The following RALGAPA1 variants were observed in gnomAD, a reference collection of about 807,000 sequenced individuals.
RALGAPA1 encodes the protein ral GTPase-activating protein subunit alpha-1.
In RALGAPA1, 52 loss-of-function variants were observed where a neutral mutation model predicts 269.6. The ratio of observed to expected loss-of-function variants is 0.19; its 90% CI spans 0.15 to 0.24. RALGAPA1 has a LOEUF of 0.24. Ranked by LOEUF, RALGAPA1 falls within the 10% of genes least tolerant of loss-of-function variation. RALGAPA1 has a pLI of 1.00. For missense variants in RALGAPA1, 1,917 were observed against 3,013.9 expected, an observed-to-expected ratio of 0.64 and a Z score of 8.52; for synonymous variants, 817 against 1,008.3, an observed-to-expected ratio of 0.81 and a Z score of 3.60.
At chr14:35,592,006 T>G (rs1358592647) in intron 37 of RALGAPA1, among the ~76,000 whole-genome samples, 1 of 152,214 alleles carries the variant, frequency 6.6e-6, no homozygotes, top group East Asian at 1.9e-4. Flanking sequence ...GATTGTAAGT[T>G]TCCTGAGGCC....
Position 35,650,089 on chromosome 14 carries a change from A to G in RALGAPA1, c.5676+1716T>C, listed in dbSNP as rs1187231617. ...GCGAAGGATTCTTGGCTAAAAATGGAGGCCGGATGAGGTAGCTCACGCCTG... is the reference window on the plus strand; with the variant it reads ...GCGAAGGATTCTTGGCTAAAAATGGGGGCCGGATGAGGTAGCTCACGCCTG... On this transcript the variant is annotated intron_variant, in intron 31 of 41. Coordinates refer to ENST00000680220, the MANE Select transcript of RALGAPA1 (RefSeq NM_001346249.2). Among the ~76,000 whole-genome samples the G allele has an allele frequency of 3.3e-5, 5 of 152,204 alleles. No homozygotes were observed. In the East Asian group the frequency reaches 7.7e-4, roughly 23 times the overall value.
chr14:35,652,383 T>TATATATATATATATATATATATATAC (rs968163110), intron 30 of RALGAPA1, among the ~76,000 whole-genome samples: 5 of 148,692 alleles, frequency 3.4e-5, no homozygotes, highest in African/African-American at 1.3e-4. Flanking sequence ...TATATATATA[T>TATATATATATATATATATATATATAC]ACACACACAC....
chr14:35,691,955 G>A (rs1177116716), intron 17 of RALGAPA1, among the ~76,000 whole-genome samples: 5 of 152,140 alleles, frequency 3.3e-5, no homozygotes, highest in South Asian at 4.2e-4. Flanking sequence ...AGTGAAAAGC[G>A]AAACATTTCC....
chr14:35,717,425 C>T (rs1219204439), intron 16 of RALGAPA1, among the ~76,000 whole-genome samples: 1 of 151,484 alleles, frequency 6.6e-6, no homozygotes, highest in African/African-American at 2.4e-5. Flanking sequence ...TCTGGGATTA[C>T]AGGCGTGAGC....
intron 4 of RALGAPA1, among the ~76,000 whole-genome samples, chr14:35,763,607 T>C (rs1481680518): frequency 2.6e-5 from 4 of 152,142 alleles, no homozygotes; most frequent in Non-Finnish European, 4.4e-5. Context: ...CTCTAGTTAA[T>C]ACATTTTAAG....
chr14:35,586,070 C>T (rs566645964), intron 37 of RALGAPA1, among the ~76,000 whole-genome samples: 25 of 152,290 alleles, frequency 1.6e-4, no homozygotes, highest in Non-Finnish European at 2.9e-4. Context: ...AATACTGATT[C>T]TTCCTATCCA....
At chr14:35,561,468 A>G (rs997902131) in intron 39 of RALGAPA1, among the ~76,000 whole-genome samples, 1 of 151,296 alleles carries the variant, frequency 6.6e-6, no homozygotes, top group African/African-American at 2.4e-5. Flanking sequence ...GCACAGCAAA[A>G]AATTCTTTAA....
intron 14 of RALGAPA1, 146 bp from the exon 15 acceptor site, chr14:35,723,410 A>C: frequency 1.9e-6 from 1 of 527,642 alleles, no homozygotes; most frequent in African/African-American, 1.9e-5. Context: ...TACTTGTAAA[A>C]GCAATTCATG....
At chr14:35,600,232 C>CTTTTTTTTTTTTTTTT (rs71124708) in intron 36 of RALGAPA1, among the ~76,000 whole-genome samples, 5 of 86,946 alleles carry the variant, frequency 5.8e-5, no homozygotes, top group African/African-American at 8.7e-5. Context: ...TTCTTTTTTT[C>CTTTTTTTTTTTTTTTT]TTTTTTTTTT....
chr14:35,732,087 C>T (rs2070531097), intron 12 of RALGAPA1, among the ~76,000 whole-genome samples: 1 of 152,154 alleles, frequency 6.6e-6, no homozygotes, highest in South Asian at 2.1e-4. Flanking sequence ...TCCTCAGCCT[C>T]CTCAAACAAA....
At chr14:35,635,179 G>GA (rs59468474) in intron 32 of RALGAPA1, among the ~76,000 whole-genome samples, 18 of 145,768 alleles carry the variant, frequency 1.2e-4, no homozygotes, top group Middle Eastern at 3.6e-3. Flanking sequence ...TTCAATAAAA[G>GA]AAAAAAAAAA....
rs372982130 is a variant in RALGAPA1, at chr14:35,674,499, C to T, written c.4818+17G>A. 35 of 1,586,512 alleles carry T rather than the reference C, an allele frequency of 2.2e-5. No homozygotes were observed. The highest frequency in any genetic ancestry group is 2.0e-4 in the East Asian group (9 of 44,422). The stretch of plus-strand genomic sequence containing the variant: ...TTTTATTTTCTTCTCCACTTATATC[C>T]GCTATTTCTTTTTTACCTTAGCTAG... On this transcript the variant is annotated intron_variant, in intron 23 of 41. Coordinates refer to ENST00000680220, the MANE Select transcript of RALGAPA1 (RefSeq NM_001346249.2).
At chr14:35,769,948 T>C (rs1432623928) in intron 4 of RALGAPA1, among the ~76,000 whole-genome samples, 11 of 152,178 alleles carry the variant, frequency 7.2e-5, no homozygotes, top group Non-Finnish European at 2.9e-5. Context: ...CTTCTAAACT[T>C]CTATAGCTAT....
At chr14:35,641,377 TAAAC>T (rs2062020309) in intron 31 of RALGAPA1, among the ~76,000 whole-genome samples, 1 of 152,226 alleles carries the variant, frequency 6.6e-6, no homozygotes, top group African/African-American at 2.4e-5. Context: ...TTAGAACTGA[TAAAC>T]AACGTCAAAT....
intron 22 of RALGAPA1, chr14:35,677,201 A>G (rs2065025524): frequency 6.6e-6 from 1 of 152,246 alleles, no homozygotes; most frequent in African/African-American, 2.4e-5. Context: ...GGGTTTCTTA[A>G]AAGAAGTTTA....
Position 35,686,542 on chromosome 14 carries a change from C to T in RALGAPA1, c.4077G>A (p.Ser1359=), listed in dbSNP as rs116939827. 39 of 1,595,398 alleles carry T rather than the reference C, an allele frequency of 2.4e-5. No individual in the cohort carries two copies. Among genetic ancestry groups the T allele is most frequent in the African/African-American group, 9.4e-5 (7 of 74,212 alleles). The part of the protein sequence containing the change: ...IAERLRSGNA[S]TMTRRGSSPG... Reference sequence around the variant, plus strand: ...ACCAAATATATAAAATAAAACTTACCGAGGCATTACCACTTCGAAGTCGTT... The same window carrying T: ...ACCAAATATATAAAATAAAACTTACTGAGGCATTACCACTTCGAAGTCGTT... Residue 1359 remains serine (S), a splice_region_variant and synonymous_variant, in exon 19 of 42, where the codon TCG becomes TCA. Transcript: ENST00000680220.
intron 37 of RALGAPA1, among the ~76,000 whole-genome samples, chr14:35,592,711 T>C (rs1295767875): frequency 1.3e-5 from 2 of 152,208 alleles, no homozygotes; most frequent in Non-Finnish European, 2.9e-5. Context: ...CACAAATCAA[T>C]TGATGTGATA....
At position 35,802,245 on chromosome 14, in the gene RALGAPA1, T is replaced by C. The variant is rs138334075; in HGVS notation, c.106+6485A>G. ...ATTGCTTGAACCTGGGAGGCGGAGGTTGCAGTGAGCTGAGATCATGCCACT... is the reference window on the plus strand; with the variant it reads ...ATTGCTTGAACCTGGGAGGCGGAGGCTGCAGTGAGCTGAGATCATGCCACT... On this transcript the variant is annotated intron_variant, in intron 1 of 41. Transcript: ENST00000680220. Among the ~76,000 whole-genome samples, 948 of 152,072 alleles carry C rather than the reference T, an allele frequency of 6.2e-3. 15 individuals carry two copies. The highest frequency in any genetic ancestry group is 0.022 in the African/African-American group (899 of 41,462).
intron 1 of RALGAPA1, among the ~76,000 whole-genome samples, chr14:35,797,735 C>A (rs1394355046): frequency 6.6e-6 from 1 of 150,840 alleles, no homozygotes; most frequent in Admixed American, 6.6e-5. Context: ...ATCCCAGCTA[C>A]TCAGGAGGCT....
Sources: allele counts gnomAD v4.1 joint callset (sites outside exome capture counted in the v4.1 genomes callset), GRCh38; gene constraint gnomAD v4.1.1; transcripts MANE v1.5; gene names NCBI Gene and HGNC (gene_info 2026-07-23, HGNC 2026-07-21).